Variants in POM121 observed in about 807,000 individuals in gnomAD.
The protein encoded by POM121 is nuclear envelope pore membrane protein POM 121.
Under a neutral mutation model 81.3 loss-of-function variants are expected in POM121, and 32 were observed. The ratio of observed to expected loss-of-function variants is 0.39; its 90% CI spans 0.30 to 0.53. POM121 has a LOEUF of 0.53. Ranked by LOEUF, POM121 falls within the 20% of genes least tolerant of loss-of-function variation. POM121 has a pLI of 0.66. For synonymous variants in POM121, 514 were observed against 694.2 expected (o/e 0.74, Z 4.08); for missense variants, 1,138 against 1,614.6 (o/e 0.70, Z 5.06).
At chr7:72,897,128 G>T (rs1792043858) in intron 3 of POM121, among the ~76,000 whole-genome samples, 1 of 151,986 alleles carries the variant, frequency 6.6e-6, no homozygotes, top group African/African-American at 2.4e-5. Context: ...CTCCAGCCTG[G>T]GCAACAGAGC....
chr7:72,948,671 G>A (rs146463566), downstream of POM121: 1,323 of 1,603,840 alleles, frequency 8.2e-4, 23 homozygotes, highest in African/African-American at 0.014. Context: ...CACTCACGTC[G>A]GCATCTCGAC....
intron 5 of POM121, 147 bp downstream of exon 5, chr7:72,930,258 C>T (rs1194427211): frequency 1.2e-5 from 15 of 1,213,438 alleles, no homozygotes; most frequent in Non-Finnish European, 1.6e-5. Context: ...AGTTCAAAAC[C>T]AGCCTGGGCA....
At chr7:72,922,171 CAT>C (rs1687367796), upstream of POM121, among the ~76,000 whole-genome samples, 1 of 152,122 alleles carries the variant, frequency 6.6e-6, no homozygotes, top group African/African-American at 2.4e-5. Flanking sequence ...TATATATGCA[CAT>C]ATGTGTATAT....
intron 3 of POM121, among the ~76,000 whole-genome samples, chr7:72,907,130 G>A (rs1793324154): frequency 1.3e-5 from 2 of 151,968 alleles, no homozygotes; most frequent in Admixed American, 1.3e-4. Context: ...CATATGCCGT[G>A]CTAAATCAAT....
At chr7:72,912,419 A>G (rs1793891402) in intron 3 of POM121, among the ~76,000 whole-genome samples, 1 of 152,162 alleles carries the variant, frequency 6.6e-6, no homozygotes, top group Non-Finnish European at 1.5e-5. Flanking sequence ...GAGGGTGGCC[A>G]TATGTTTGGG....
intron 5 of POM121, among the ~76,000 whole-genome samples, chr7:72,932,378 AATAG>A (rs1796107485): frequency 6.6e-6 from 1 of 151,368 alleles, no homozygotes; most frequent in South Asian, 2.1e-4. Flanking sequence ...TTTTTCACAT[AATAG>A]ATAGTTGAGG....
In POM121 at chr7:72,943,832, G is replaced by A. The variant is rs1797387204; in HGVS notation, c.3529+310G>A. Among the ~76,000 whole-genome samples, 5 of 152,228 alleles carry A rather than the reference G, an allele frequency of 3.3e-5. No homozygotes were observed. In the South Asian group the frequency reaches 1.0e-3, roughly 31 times the overall value. ...GAGGGTGCATCACTTGAGGCCAGGAGTTCAAGACTAGCCTGGACAACTTGG... is the reference window on the plus strand; with the variant it reads ...GAGGGTGCATCACTTGAGGCCAGGAATTCAAGACTAGCCTGGACAACTTGG... On this transcript the variant is annotated intron_variant, in intron 11 of 12. Coordinates refer to ENST00000434423, the MANE Select transcript of POM121 (RefSeq NM_001387691.1).
At chr7:72,937,249 G>T (rs1350929434) in intron 5 of POM121, among the ~76,000 whole-genome samples, 1 of 150,028 alleles carries the variant, frequency 6.7e-6, no homozygotes, top group Non-Finnish European at 1.5e-5. Context: ...GCAAGGCTCC[G>T]TCTCAAAAAA....
Position 72,925,568 on chromosome 7 carries a change from C to T in POM121, c.447C>T (p.Pro149=), listed in dbSNP as rs1418237483. 7 of 1,531,808 alleles carry T rather than the reference C, an allele frequency of 4.6e-6. No individual in the cohort carries two copies. Among genetic ancestry groups the T allele is most frequent in the Middle Eastern group, 2.3e-4 (1 of 4,352 alleles). 94.9% of individuals were successfully genotyped at this position (1,531,808 alleles called of 1,614,324 possible). A position where few individuals can be genotyped will look rare whatever the true frequency, so the allele number is the denominator to read the frequency against. The part of the protein sequence containing the change: ...SYLGKPGPPQ[P]AAAPEGQDLR... ...TGGGCAAGCCCGGGCCGCCGCAGCC[C>T]GCCGCCGCTCCGGAGGGCCAGGACC... Residue 149 remains proline (P), a synonymous_variant, in exon 1 of 13, where the codon CCC becomes CCT. Coordinates refer to ENST00000434423, the MANE Select transcript of POM121 (RefSeq NM_001387691.1).
At position 72,945,840 on chromosome 7, in the gene POM121, C is replaced by A. The variant is rs376079314; in HGVS notation, c.3652+132C>A. 10,833 of 1,408,100 alleles carry A rather than the reference C, an allele frequency of 7.7e-3. 349 individuals are homozygous for A. The African/African-American group carries it at 0.095, about 12-fold the overall frequency. 87.2% of individuals were successfully genotyped at this position (1,408,100 alleles called of 1,614,324 possible). On this transcript the variant is annotated intron_variant, in intron 12 of 12. Coordinates refer to ENST00000434423, the MANE Select transcript of POM121 (RefSeq NM_001387691.1). ...AGGAAAGACATTTCGGGTTAGGAGT[C>A]CAGCACAACCCAGGGATGGGAGTTG...
intron 1 of POM121, 102 bp downstream of exon 1, chr7:72,925,867 G>A: frequency 8.0e-7 from 1 of 1,254,748 alleles, no homozygotes; most frequent in Non-Finnish European, 1.0e-6. Flanking sequence ...AGTCCCAAGG[G>A]GATTGTGTGT....
chr7:72,882,912 T>G (rs1456151000), intron 1 of POM121, among the ~76,000 whole-genome samples: 1 of 152,244 alleles, frequency 6.6e-6, no homozygotes, highest in South Asian at 2.1e-4. Flanking sequence ...GGACCCTTTG[T>G]CTGCCTTTGA....
Position 72,942,209 on chromosome 7 carries a change from AGAAG to A in POM121, c.2222_2225del (p.Glu741AlafsTer99). 6.2e-7 allele frequency: 1 copy of A among 1,610,030 alleles called. No individual in the cohort carries two copies. Among genetic ancestry groups the A allele is most frequent in the South Asian group, 1.1e-5 (1 of 90,932 alleles). ...ATTTTCACGGCTCCACCCAAGAGTG[AGAAG>A]GAAGGCCCCACACCGCCTGGCCCTT... is the stretch of plus-strand genomic sequence containing the variant. On this transcript the variant is annotated frameshift_variant, in exon 11 of 13. Transcript: ENST00000434423. LOFTEE classifies it high-confidence loss of function.
At chr7:72,932,427 G>A (rs1231759580) in intron 5 of POM121, among the ~76,000 whole-genome samples, 1 of 151,018 alleles carries the variant, frequency 6.6e-6, no homozygotes, top group African/African-American at 2.4e-5. Context: ...CTCATCTTTG[G>A]TCTTAAAACT....
At chr7:72,904,056 G>A (rs569383864) in intron 3 of POM121, among the ~76,000 whole-genome samples, 23 of 152,240 alleles carry the variant, frequency 1.5e-4, no homozygotes, top group African/African-American at 4.6e-4. Context: ...TGCCCGCCTC[G>A]GCTTCCCAAA....
chr7:72,899,811 A>C (rs569467056), intron 3 of POM121, among the ~76,000 whole-genome samples: 48 of 151,226 alleles, frequency 3.2e-4, no homozygotes, highest in Middle Eastern at 6.8e-3. Flanking sequence ...AATCTCCTGA[A>C]CTCGTGATCC....
intron 2 of POM121, chr7:72,890,825 AC>A (rs1791231971): frequency 6.7e-7 from 1 of 1,484,778 alleles, no homozygotes; most frequent in Admixed American, 1.7e-5. Context: ...GAAATAAGTG[AC>A]AACACCATTT....
chr7:72,879,878 C>G, exon 1 of POM121: 5 of 513,600 alleles, frequency 9.7e-6, no homozygotes, highest in South Asian at 2.8e-5. Flanking sequence ...CTGCAGAGCC[C>G]CAGGAGGGTA....
At chr7:72,906,359 C>T (rs1420926387) in intron 3 of POM121, among the ~76,000 whole-genome samples, 6 of 152,340 alleles carry the variant, frequency 3.9e-5, no homozygotes, top group African/African-American at 9.6e-5. Flanking sequence ...TTCCGCTGCT[C>T]GCCCTGGCAT....
Sources: gnomAD v4.1 joint callset for allele counts (sites outside exome capture counted in the v4.1 genomes callset) on GRCh38, gnomAD v4.1.1 for gene constraint, MANE v1.5 for transcripts, NCBI Gene and HGNC (gene_info 2026-07-23, HGNC 2026-07-21) for gene names.